The following PDZRN4 variants were observed in gnomAD, a reference collection of about 807,000 sequenced individuals.
PDZRN4 encodes PDZ domain containing ring finger 4, also known as PDZ domain-containing RING finger protein 4.
PDZRN4 carries 70 observed loss-of-function variants against 99.0 expected under a neutral mutation model. That is an observed-to-expected ratio of 0.71 (90% CI 0.58 to 0.86). PDZRN4 has a LOEUF of 0.86. PDZRN4 is among the 40% of genes least tolerant of loss of function. The pLI is 0.00. For synonymous variants in PDZRN4, 551 were observed against 501.6 expected (o/e 1.10, Z -1.32); for missense variants, 1,474 against 1,331.2 (o/e 1.11, Z -1.67).
chr12:41,466,756 T>TTG (rs952838740), intron 3 of PDZRN4, among the ~76,000 whole-genome samples: 12 of 151,766 alleles, frequency 7.9e-5, no homozygotes, highest in Non-Finnish European at 1.5e-4. Flanking sequence ...CCAGTGTTTT[T>TTG]TTTTTTTTTT....
At chr12:41,326,065 C>T (rs751687286) in intron 3 of PDZRN4, among the ~76,000 whole-genome samples, 26 of 151,962 alleles carry the variant, frequency 1.7e-4, no homozygotes, top group Non-Finnish European at 2.6e-4. Flanking sequence ...CTCACAACAA[C>T]CTCAACCTCC....
chr12:41,559,710 A>G (rs1172769257), intron 7 of PDZRN4, among the ~76,000 whole-genome samples: 2 of 152,120 alleles, frequency 1.3e-5, no homozygotes, highest in African/African-American at 4.8e-5. Flanking sequence ...ACTCGTTGAT[A>G]TGGTTTAACT....
At chr12:41,268,995 G>A (rs542399745) in intron 3 of PDZRN4, among the ~76,000 whole-genome samples, 1 of 152,134 alleles carries the variant, frequency 6.6e-6, no homozygotes, top group African/African-American at 2.4e-5. Context: ...CACTTGAAAT[G>A]TATTGTCTGC....
intron 3 of PDZRN4, among the ~76,000 whole-genome samples, chr12:41,284,563 A>T (rs7135134): frequency 0.57 from 86,645 of 152,018 alleles, 26,818 homozygotes; most frequent in East Asian, 0.71. Flanking sequence ...AATCCTAAGC[A>T]AAAGGAACAA....
intron 3 of PDZRN4, among the ~76,000 whole-genome samples, chr12:41,304,825 G>A (rs1951558852): frequency 6.6e-6 from 1 of 152,166 alleles, no homozygotes; most frequent in Non-Finnish European, 1.5e-5. Flanking sequence ...TTCCACTTTG[G>A]CTGAGAGCAG....
chr12:41,558,758 T>C (rs1483731164), intron 7 of PDZRN4, among the ~76,000 whole-genome samples: 1 of 152,140 alleles, frequency 6.6e-6, no homozygotes, highest in Admixed American at 6.5e-5. Context: ...ACTTAATACA[T>C]GTCCCAGTAA....
chr12:41,320,119 C>G (rs1018331414), intron 3 of PDZRN4, among the ~76,000 whole-genome samples: 1 of 152,200 alleles, frequency 6.6e-6, no homozygotes, highest in African/African-American at 2.4e-5. Flanking sequence ...CTGCACAGCC[C>G]CACCTAGGGG....
At chr12:41,244,840 G>A (rs374029339) in intron 3 of PDZRN4, among the ~76,000 whole-genome samples, 2 of 134,004 alleles carry the variant, frequency 1.5e-5, no homozygotes, top group African/African-American at 5.4e-5. Flanking sequence ...GCCCGCCACC[G>A]CGCCCGGCTA....
chr12:41,367,253 T>G (rs1427832616), intron 3 of PDZRN4, among the ~76,000 whole-genome samples: 3 of 152,130 alleles, frequency 2.0e-5, no homozygotes, highest in African/African-American at 4.8e-5. Context: ...CTCACACCTG[T>G]AATCCCAGCA....
intron 3 of PDZRN4, among the ~76,000 whole-genome samples, chr12:41,249,655 A>G (rs1951155351): frequency 6.6e-6 from 1 of 152,204 alleles, no homozygotes; most frequent in South Asian, 2.1e-4. Flanking sequence ...TTTAAGAAGC[A>G]TAACGATGGA....
Position 41,572,777 on chromosome 12 carries a change from A to G in PDZRN4, c.1998A>G (p.Leu666=), listed in dbSNP as rs754826011. Residue 666 remains leucine, a synonymous_variant, in exon 10 of 10, where the codon CTA becomes CTG. Transcript: ENST00000402685. ...AGCAAGAGGGAGTGGAGCATGAGCT[A>G]CAGTTGCTTAATGAAGAACTGAGAA... ...QGEQEGVEHE[L]QLLNEELRNI... The G allele has an allele frequency of 2.5e-5, 41 of 1,614,028 alleles. No individual in the cohort carries two copies. The highest frequency in any genetic ancestry group is 1.6e-4 in the Middle Eastern group (1 of 6,082).
intron 3 of PDZRN4, among the ~76,000 whole-genome samples, chr12:41,258,190 A>G (rs185089587): frequency 2.5e-3 from 386 of 152,276 alleles, no homozygotes; most frequent in African/African-American, 5.3e-3. Context: ...CTCTAAGCCC[A>G]ATTGTTTTGT....
intron 3 of PDZRN4, among the ~76,000 whole-genome samples, chr12:41,374,446 A>T (rs1952065331): frequency 3.9e-5 from 6 of 152,118 alleles, no homozygotes; most frequent in Admixed American, 3.9e-4. Flanking sequence ...AATCCCAGTG[A>T]GGGCCAAGTC....
chr12:41,552,004 C>T (rs181764271), intron 5 of PDZRN4, among the ~76,000 whole-genome samples: 2 of 152,232 alleles, frequency 1.3e-5, no homozygotes, highest in East Asian at 3.9e-4. Context: ...TTTTCCTGTT[C>T]ATTTACTGCT....
rs79551054 is a variant in PDZRN4 at position 41,486,703 on chromosome 12, G to C, written c.844-19753G>C. On this transcript the variant is annotated intron_variant, in intron 3 of 9. Transcript: ENST00000402685. ...AAAAAAAAATCAGAGTAAGAAAAGGGGGGAGAGCTTTCTCGGAAAGTTGTG... is the reference window on the plus strand; with the variant it reads ...AAAAAAAAATCAGAGTAAGAAAAGGCGGGAGAGCTTTCTCGGAAAGTTGTG... 9.9e-3 allele frequency among the ~76,000 whole-genome samples: 1,508 copies of C among 152,230 alleles called. 24 individuals are homozygous for C. Among genetic ancestry groups the C allele is most frequent in the African/African-American group, 0.033 (1,391 of 41,534 alleles).
intron 3 of PDZRN4, among the ~76,000 whole-genome samples, chr12:41,284,251 C>G (rs557438993): frequency 2.0e-5 from 3 of 152,262 alleles, no homozygotes; most frequent in East Asian, 3.9e-4. Flanking sequence ...TGAGCAAACT[C>G]CCATTCACAA....
chr12:41,338,614 T>A (rs1951792245), intron 3 of PDZRN4, among the ~76,000 whole-genome samples: 1 of 150,490 alleles, frequency 6.6e-6, no homozygotes. Flanking sequence ...GAGATGAAAA[T>A]GGAGACATGA....
chr12:41,382,362 G>A (rs922653824), intron 3 of PDZRN4, among the ~76,000 whole-genome samples: 4 of 152,098 alleles, frequency 2.6e-5, no homozygotes, highest in East Asian at 1.9e-4. Context: ...GTTTCCCTGC[G>A]CTGTGCATGT....
intron 3 of PDZRN4, among the ~76,000 whole-genome samples, chr12:41,475,554 A>T (rs1037524833): frequency 6.6e-6 from 1 of 152,190 alleles, no homozygotes; most frequent in African/African-American, 2.4e-5. Flanking sequence ...TATTGTAGAA[A>T]ATTCTCATAA....
Sources: gnomAD v4.1 joint callset for allele counts (sites outside exome capture counted in the v4.1 genomes callset) on GRCh38, gnomAD v4.1.1 for gene constraint, MANE v1.5 for transcripts, NCBI Gene and HGNC (gene_info 2026-07-23, HGNC 2026-07-21) for gene names.